PCSK6: variants seen among roughly 807,000 people sequenced by gnomAD.
The protein encoded by PCSK6 is paired basic amino acid cleaving enzyme 4.
PCSK6 carries 85 observed loss-of-function variants against 123.3 expected under a neutral mutation model. That is an observed-to-expected ratio of 0.69 (90% CI 0.58 to 0.83). PCSK6 has a LOEUF of 0.83. Among genes scored for constraint, PCSK6 ranks in the 40% least tolerant of loss-of-function variants. The pLI, the probability that PCSK6 is intolerant of heterozygous loss-of-function variation, is 0.00. For missense variants in PCSK6, 1,191 were observed against 1,282.3 expected (o/e 0.93, Z 1.09); for synonymous variants, 508 against 516.0 (o/e 0.98, Z 0.21).
chr15:101,424,271 C>T (rs952486639), intron 6 of PCSK6, among the ~76,000 whole-genome samples: 15 of 149,904 alleles, frequency 1.0e-4, no homozygotes, highest in African/African-American at 3.6e-4. Flanking sequence ...GAACAAATCA[C>T]GTTTCTTAAA....
intron 13 of PCSK6, chr15:101,347,060 G>C: frequency 2.7e-5 from 33 of 1,231,714 alleles, no homozygotes; most frequent in Non-Finnish European, 3.3e-5. Flanking sequence ...TATGGTGACT[G>C]TTTGGAGAGT....
chr15:101,314,072 T>C (rs2039933068), intron 19 of PCSK6, among the ~76,000 whole-genome samples: 1 of 152,164 alleles, frequency 6.6e-6, no homozygotes, highest in African/African-American at 2.4e-5. Context: ...CGGGGGAAGA[T>C]GAAAGAAGAG....
chr15:101,357,841 A>C (rs956534636), intron 13 of PCSK6, among the ~76,000 whole-genome samples: 1 of 151,392 alleles, frequency 6.6e-6, no homozygotes, highest in African/African-American at 2.4e-5. Flanking sequence ...ATCTTCTCAG[A>C]CTCTCCTCCA....
intron 13 of PCSK6, among the ~76,000 whole-genome samples, chr15:101,355,475 A>G (rs994790706): frequency 6.6e-6 from 1 of 152,328 alleles, no homozygotes; most frequent in East Asian, 1.9e-4. Flanking sequence ...AACTCAGTAA[A>G]GTTTGGGCCC....
chr15:101,489,381 A>C lies in PCSK6; in HGVS notation c.290T>G (p.Leu97Trp). ...GGGGCCGGCCGCACTCACCTGGCCC[A>C]AGTTGAGGTACCCGTGCGCCGCCGC... ...RVAAAHGYLN[L>W]GQIGNLEDYY... The change falls in exon 1 of 22, where the codon TTG (leucine) becomes TGG (tryptophan). Residue 97 changes from leucine (L) to tryptophan (W), a missense_variant. Leu to Trp is a moderately conservative substitution (Grantham distance 61, BLOSUM62 -2). This residue lies in a region of PCSK6 where 204 missense variants were observed against 166.4 expected (regional missense o/e 1.23). Transcript: ENST00000611716. 8.0e-6 allele frequency: 10 copies of C among 1,249,592 alleles called. No individual in the cohort carries two copies. The highest frequency in any genetic ancestry group is 9.1e-6 in the Non-Finnish European group (9 of 983,868). The allele number at this position is 1,249,592 out of a possible 1,614,324, so 77.4% of individuals were successfully genotyped here.
At chr15:101,404,200 C>T (rs1459533866) in intron 6 of PCSK6, among the ~76,000 whole-genome samples, 2 of 152,190 alleles carry the variant, frequency 1.3e-5, no homozygotes, top group African/African-American at 4.8e-5. Flanking sequence ...CTGTGAAGAT[C>T]AAAGGAGTCG....
At position 101,346,643 on chromosome 15, in the gene PCSK6, T is replaced by C. The variant is rs2040737244; in HGVS notation, c.1859-14612A>G. The stretch of plus-strand genomic sequence containing the variant: ...TGCCGAACCATGCAGGCAACAGGAA[T>C]GCCCAAGCGTACCTCATTCCTAAAA... On this transcript the variant is annotated intron_variant, in intron 13 of 21. Coordinates refer to ENST00000611716, the MANE Select transcript of PCSK6 (RefSeq NM_002570.5). The C allele has an allele frequency of 1.3e-5, 8 of 627,344 alleles. No individual in the cohort carries two copies. The South Asian group carries it at 6.1e-4, about 48-fold the overall frequency. 38.9% of individuals were successfully genotyped at this position (627,344 alleles called of 1,614,324 possible).
intron 7 of PCSK6, among the ~76,000 whole-genome samples, chr15:101,394,768 G>A (rs1044789218): frequency 6.6e-6 from 1 of 152,184 alleles, no homozygotes; most frequent in Non-Finnish European, 1.5e-5. Flanking sequence ...CTCACACCAC[G>A]GGGGTTTGTA....
chr15:101,398,520 T>G lies in PCSK6; in HGVS notation c.880A>C (p.Ile294Leu), dbSNP rs753622273. ...TAAATGTCGATGTAGTTGGGTCTGA[T>G]GCCCAGCGACTTTGCCTCGACCACA... Reference protein sequence around the residue: ...TDVVEAKSLGIRPNYIDIYSA... With the variant: ...TDVVEAKSLGLRPNYIDIYSA... The change falls in exon 7 of 22, where the codon ATC (isoleucine) becomes CTC (leucine). Residue 294 changes from isoleucine to leucine, a missense_variant. Transcript: ENST00000611716. The surrounding 1 kb of genome is among the most constrained non-coding windows in gnomAD (Gnocchi z 4.6). The G allele has an allele frequency of 6.2e-7, 1 of 1,613,804 alleles. No individual in the cohort carries two copies. The highest frequency in any genetic ancestry group is 1.7e-5 in the Admixed American group (1 of 60,006).
At chr15:101,412,620 A>G (rs1179009973) in intron 6 of PCSK6, among the ~76,000 whole-genome samples, 1 of 150,732 alleles carries the variant, frequency 6.6e-6, no homozygotes, top group Non-Finnish European at 1.5e-5. Context: ...CTGGAAATAC[A>G]ATAATCAAAA....
intron 6 of PCSK6, among the ~76,000 whole-genome samples, chr15:101,401,013 T>A (rs530303691): frequency 6.6e-6 from 1 of 152,118 alleles, no homozygotes; most frequent in South Asian, 2.1e-4. Context: ...CCAGGTAGGA[T>A]AGTTGGTGGT....
intron 7 of PCSK6, among the ~76,000 whole-genome samples, chr15:101,396,896 T>C (rs1421067445): frequency 6.6e-6 from 1 of 152,172 alleles, no homozygotes; most frequent in Non-Finnish European, 1.5e-5. Flanking sequence ...GGGTGAGTAC[T>C]AAACTCGGAG....
At chr15:101,389,806 G>C (rs1214987615) in intron 8 of PCSK6, among the ~76,000 whole-genome samples, 1 of 152,184 alleles carries the variant, frequency 6.6e-6, no homozygotes, top group African/African-American at 2.4e-5. Context: ...AGCACAGACC[G>C]TACGCTTTGA....
At chr15:101,326,518 C>T (rs374499510) in intron 15 of PCSK6, 39 bp from the exon 16 acceptor site, 104 of 1,517,412 alleles carry the variant, frequency 6.9e-5, no homozygotes, top group Non-Finnish European at 9.2e-5. Context: ...CAGAGAGACG[C>T]CTTCTCCATC....
intron 1 of PCSK6, among the ~76,000 whole-genome samples, chr15:101,449,080 C>A (rs7181679): frequency 1.3e-5 from 2 of 151,852 alleles, no homozygotes; most frequent in Non-Finnish European, 2.9e-5. Context: ...TACAGTCATG[C>A]CTTGGCATCC....
At chr15:101,331,409 C>A (rs563785392) in intron 15 of PCSK6, among the ~76,000 whole-genome samples, 1 of 152,208 alleles carries the variant, frequency 6.6e-6, no homozygotes, top group African/African-American at 2.4e-5. Context: ...CTCCTTGAAC[C>A]CAACCTTCCT....
chr15:101,306,202 G>A (rs2039719287), intron 21 of PCSK6, among the ~76,000 whole-genome samples: 1 of 152,108 alleles, frequency 6.6e-6, no homozygotes, highest in Admixed American at 6.5e-5. Flanking sequence ...AGGGGAAGAG[G>A]CCTTTGAGGA....
chr15:101,370,408 G>A lies in PCSK6; in HGVS notation c.1648C>T (p.His550Tyr). ...ATCTGGAGGTCTCCTCGGCGTGGGTGTGAGATGGAGGTGCGAACCACCACG... is the reference window on the plus strand; with the variant it reads ...ATCTGGAGGTCTCCTCGGCGTGGGTATGAGATGGAGGTGCGAACCACCACG... ...EHVVVRTSIS[H>Y]PRRGDLQIYL... The change falls in exon 12 of 22, where the codon CAC becomes TAC. Residue 550 changes from histidine to tyrosine, a missense_variant. Transcript: ENST00000611716. 3.2e-6 allele frequency: 5 copies of A among 1,552,842 alleles called. No individual in the cohort carries two copies. The highest frequency in any genetic ancestry group is 3.5e-6 in the Non-Finnish European group (4 of 1,147,630).
At chr15:101,361,052 C>T (rs183691677) in intron 13 of PCSK6, among the ~76,000 whole-genome samples, 170 of 152,208 alleles carry the variant, frequency 1.1e-3, no homozygotes, top group Non-Finnish European at 1.9e-3. Context: ...TGAGTGAAGG[C>T]TGTGTTCTTG....
Sources: allele counts gnomAD v4.1 joint callset (sites outside exome capture counted in the v4.1 genomes callset), GRCh38; gene constraint gnomAD v4.1.1; regional missense constraint gnomAD v4.1.1; non-coding constraint Gnocchi (gnomAD v3.1); transcripts MANE v1.5; gene names NCBI Gene and HGNC (gene_info 2026-07-23, HGNC 2026-07-21).